The following NUP107 variants were observed in gnomAD, a reference collection of about 807,000 sequenced individuals.
NUP107 encodes nucleoporin 107.
Under a neutral mutation model 141.0 loss-of-function variants are expected in NUP107, and 101 were observed. The ratio of observed to expected loss-of-function variants is 0.72; its 90% CI spans 0.61 to 0.84. The LOEUF (loss-of-function observed/expected upper bound fraction) is 0.84, where lower values mean the gene tolerates loss of function less well. NUP107 is among the 40% of genes least tolerant of loss of function. NUP107 has a pLI of 0.00. For synonymous variants in NUP107, 319 were observed against 363.9 expected (o/e 0.88, Z 1.41); for missense variants, 941 against 1,102.7 (o/e 0.85, Z 2.08).
intron 8 of NUP107, 42 bp from the exon 9 acceptor site, chr12:68,709,193 ATCT>A (rs781023721): frequency 5.7e-6 from 7 of 1,227,404 alleles, no homozygotes; most frequent in African/African-American, 4.5e-5. Context: ...TCTTAACAGC[ATCT>A]TCTTTTCATT....
intron 7 of NUP107, among the ~76,000 whole-genome samples, 186 bp downstream of exon 7, chr12:68,701,039 C>A (rs770890866): frequency 6.6e-6 from 1 of 152,122 alleles, no homozygotes; most frequent in Non-Finnish European, 1.5e-5. Context: ...GATCATAAGG[C>A]TGGTAGTTAC....
At chr12:68,687,134 GA>G in intron 1 of NUP107, 61 bp downstream of exon 1, 1 of 1,609,100 alleles carries the variant, frequency 6.2e-7, no homozygotes, top group South Asian at 1.1e-5. Flanking sequence ...TTGGCGAAAC[GA>G]AATAGGTGAA....
intron 7 of NUP107, 115 bp from the exon 8 acceptor site, chr12:68,702,621 A>G: frequency 1.5e-6 from 1 of 673,228 alleles, no homozygotes; most frequent in Admixed American, 2.7e-5. Context: ...AAAATAAATA[A>G]TAAAAAATTT....
At chr12:68,693,156 C>T (rs1001868375) in intron 5 of NUP107, among the ~76,000 whole-genome samples, 23 of 151,950 alleles carry the variant, frequency 1.5e-4, no homozygotes, top group African/African-American at 5.5e-4. Flanking sequence ...CGGCTCACTG[C>T]AACCTCTACC....
At position 68,733,764 on chromosome 12, in the gene NUP107, C is replaced by T. The variant is rs148596257; in HGVS notation, c.2262+152C>T. ...GACTCATCCACAAGGGGACTGACTT[C>T]ATGACCTTATCTTCATTAGCATGAT... On this transcript the variant is annotated intron_variant, in intron 24 of 27. Coordinates refer to ENST00000229179, the MANE Select transcript of NUP107 (RefSeq NM_020401.4). The T allele has an allele frequency of 9.3e-4, 598 of 643,612 alleles. No individual in the cohort carries two copies. The African/African-American group carries it at 9.9e-3, about 11-fold the overall frequency. 39.9% of individuals were successfully genotyped at this position (643,612 alleles called of 1,614,324 possible).
At chr12:68,740,051 C>T (rs1878259444) in intron 26 of NUP107, 1 of 152,150 alleles carries the variant, frequency 6.6e-6, no homozygotes, top group Non-Finnish European at 1.5e-5. Context: ...TATCGGAATT[C>T]ATTATAATTA....
At chr12:68,712,623 TTTTTTTGTTTTTTG>T (rs1267401678) in intron 10 of NUP107, among the ~76,000 whole-genome samples, 1 of 151,040 alleles carries the variant, frequency 6.6e-6, no homozygotes, top group Non-Finnish European at 1.5e-5. Context: ...AATAAGTTTT[TTTTTTTGTTTTTTG>T]TTTTTTGTTT....
At chr12:68,706,572 A>G in intron 8 of NUP107, 1 of 680,470 alleles carries the variant, frequency 1.5e-6, no homozygotes, top group Non-Finnish European at 2.7e-6. Context: ...CAGGAACATC[A>G]GTCGGCTCCA....
chr12:68,733,579 T>C lies in NUP107; in HGVS notation c.2229T>C (p.Ala743=). The C allele has an allele frequency of 1.2e-6, 2 of 1,611,796 alleles. No individual in the cohort carries two copies. Residue 743 remains alanine (A), a synonymous_variant, in exon 24 of 28, where the codon GCT becomes GCC. Coordinates refer to ENST00000229179, the MANE Select transcript of NUP107 (RefSeq NM_020401.4). Reference sequence around the variant, plus strand: ...CACTTCCTGCTGAAGATGATAATGCTATCCGAGAACATTTGTGCATCAGAG... The same window carrying C: ...CACTTCCTGCTGAAGATGATAATGCCATCCGAGAACATTTGTGCATCAGAG... The part of the protein sequence containing the change: ...ESPLPAEDDN[A]IREHLCIRAY...
At chr12:68,698,039 AAAG>A (rs374063931) in intron 6 of NUP107, among the ~76,000 whole-genome samples, 14 of 151,882 alleles carry the variant, frequency 9.2e-5, no homozygotes, top group African/African-American at 3.4e-4. Context: ...AAAAAAAAAA[AAAG>A]AAAGAAAAGA....
intron 9 of NUP107, 91 bp downstream of exon 9, chr12:68,709,400 G>T: frequency 1.5e-6 from 1 of 683,658 alleles, no homozygotes; most frequent in East Asian, 2.8e-5. Flanking sequence ...ACTTAAAACT[G>T]TTTTCTGAAT....
At position 68,727,399 on chromosome 12, in the gene NUP107, G is replaced by T; in HGVS notation, c.1734+10G>T. 2 of 1,463,820 alleles carry T rather than the reference G, an allele frequency of 1.4e-6. No homozygotes were observed. Among genetic ancestry groups the T allele is most frequent in the South Asian group, 2.5e-5 (2 of 79,334 alleles). 90.7% of individuals were successfully genotyped at this position (1,463,820 alleles called of 1,614,324 possible). On this transcript the variant is annotated intron_variant, in intron 20 of 27. Transcript: ENST00000229179. ...AAAGACATACATACAGGTAAACTTTGAGAACCTACAACCTGATTGTTTTTT... is the reference window on the plus strand; with the variant it reads ...AAAGACATACATACAGGTAAACTTTTAGAACCTACAACCTGATTGTTTTTT...
chr12:68,698,799 T>C (rs1426294578), intron 6 of NUP107, among the ~76,000 whole-genome samples: 1 of 152,172 alleles, frequency 6.6e-6, no homozygotes, highest in Non-Finnish European at 1.5e-5. Flanking sequence ...GAGCAATGAA[T>C]AGGTAGAACA....
chr12:68,740,844 G>C (rs993050966), intron 26 of NUP107, among the ~76,000 whole-genome samples: 6 of 151,666 alleles, frequency 4.0e-5, no homozygotes. Context: ...GGCAACATAG[G>C]GAGACCTCAT....
rs1390169732 is a variant in NUP107, at chr12:68,691,957, T to G, written c.304-11T>G. 6.3e-7 allele frequency: 1 copy of G among 1,581,110 alleles called. No homozygotes were observed. The highest frequency in any genetic ancestry group is 2.0e-5 in the Admixed American group (1 of 49,478). ...CTTTTCTGTATTTTTACTTTTTTGT[T>G]TTTTTTTAAGGTTACTAATCTGGAT... On this transcript the variant is annotated splice_polypyrimidine_tract_variant and intron_variant, in intron 4 of 27. Transcript: ENST00000229179.
chr12:68,722,063 A>G, intron 16 of NUP107, 41 bp from the exon 17 acceptor site: 19 of 1,610,058 alleles, frequency 1.2e-5, no homozygotes, highest in African/African-American at 2.7e-5. Context: ...CCCCTTTTTC[A>G]TATTATTAAC....
At chr12:68,736,085 G>C (rs2136049781) in intron 26 of NUP107, among the ~76,000 whole-genome samples, 1 of 152,274 alleles carries the variant, frequency 6.6e-6, no homozygotes, top group Non-Finnish European at 1.5e-5. Flanking sequence ...GCCTGACCCT[G>C]GTGCATGACA....
chr12:68,707,002 T>C, intron 8 of NUP107: 1 of 623,430 alleles, frequency 1.6e-6, no homozygotes, highest in Non-Finnish European at 2.8e-6. Flanking sequence ...CCACCAGGGC[T>C]GTGATTGTGA....
Position 68,713,671 on chromosome 12 carries a change from T to C in NUP107, c.891-59T>C, listed in dbSNP as rs537251519. 2.5e-6 allele frequency: 3 copies of C among 1,190,298 alleles called. No homozygotes were observed. The African/African-American group carries it at 4.6e-5, about 18-fold the overall frequency. The allele number at this position is 1,190,298 out of a possible 1,614,324, so 73.7% of individuals were successfully genotyped here. On this transcript the variant is annotated intron_variant, in intron 10 of 27. Coordinates refer to ENST00000229179, the MANE Select transcript of NUP107 (RefSeq NM_020401.4). ...CTTCCTTTGACTTGATTTGATTTTT[T>C]AAAAATAGACCTATTAAAATTACCT...
Sources: allele counts gnomAD v4.1 joint callset (sites outside exome capture counted in the v4.1 genomes callset), GRCh38; gene constraint gnomAD v4.1.1; transcripts MANE v1.5; gene names NCBI Gene and HGNC (gene_info 2026-07-23, HGNC 2026-07-21).